POLDIP3: variants seen among roughly 807,000 people sequenced by gnomAD.
POLDIP3 encodes the protein polymerase delta-interacting protein 3.
Under a neutral mutation model 45.1 loss-of-function variants are expected in POLDIP3, and 14 were observed. That is an observed-to-expected ratio of 0.31 (90% CI 0.20 to 0.49). The LOEUF (loss-of-function observed/expected upper bound fraction) is 0.49, where lower values mean the gene tolerates loss of function less well. POLDIP3 is among the 20% of genes least tolerant of loss of function. The pLI, the probability that POLDIP3 is intolerant of heterozygous loss-of-function variation, is 0.99. For synonymous variants in POLDIP3, 223 were observed against 205.2 expected (o/e 1.09, Z -0.74); for missense variants, 511 against 538.8 (o/e 0.95, Z 0.51).
intron 1 of POLDIP3, among the ~76,000 whole-genome samples, chr22:42,612,686 C>A (rs747972043): frequency 6.6e-6 from 1 of 152,066 alleles, no homozygotes; most frequent in Non-Finnish European, 1.5e-5. Flanking sequence ...ATTAGACAGT[C>A]GTGGTGTCGG....
At chr22:42,589,144 G>A (rs546540837) in intron 7 of POLDIP3, among the ~76,000 whole-genome samples, 44 of 151,870 alleles carry the variant, frequency 2.9e-4, no homozygotes, top group African/African-American at 1.0e-3. Context: ...TCAGGAGGCT[G>A]AGGCACAAAA....
chr22:42,594,700 A>T (rs368555961), intron 6 of POLDIP3, among the ~76,000 whole-genome samples: 1 of 152,182 alleles, frequency 6.6e-6, no homozygotes, highest in African/African-American at 2.4e-5. Flanking sequence ...AATGATGTTG[A>T]AAAGAAGTCC....
At chr22:42,606,994 G>A (rs1433086318) in intron 1 of POLDIP3, among the ~76,000 whole-genome samples, 1 of 152,240 alleles carries the variant, frequency 6.6e-6, no homozygotes, top group East Asian at 1.9e-4. Context: ...ACCAGGAGCA[G>A]TAGCTCATGC....
chr22:42,589,898 C>T (rs1925562451), intron 7 of POLDIP3, among the ~76,000 whole-genome samples: 1 of 26,890 alleles, frequency 3.7e-5, no homozygotes, highest in East Asian at 1.0e-3. Context: ...TAGAACCAAG[C>T]AGATCAACAA....
intron 4 of POLDIP3, among the ~76,000 whole-genome samples, chr22:42,597,136 G>A (rs578196369): frequency 4.6e-5 from 7 of 152,178 alleles, no homozygotes; most frequent in Non-Finnish European, 8.8e-5. Context: ...ATTTGGCAGT[G>A]CAGATCACCA....
At position 42,584,784 on chromosome 22, in the gene POLDIP3, T is replaced by G. The variant is rs905904965; in HGVS notation, c.*1007A>C. The G allele has an allele frequency of 1.8e-5, 7 of 399,410 alleles. No individual in the cohort carries two copies. The highest frequency in any genetic ancestry group is 1.5e-4 in the African/African-American group (7 of 47,864). 24.7% of individuals were successfully genotyped at this position (399,410 alleles called of 1,614,324 possible). A position where few individuals can be genotyped will look rare whatever the true frequency, so the allele number is the denominator to read the frequency against. ...CATAAGTGGGAACAAACAGTGCCCCTTGGTGGCAGCTGGATATATGCCTCC... is the reference window on the plus strand; with the variant it reads ...CATAAGTGGGAACAAACAGTGCCCCGTGGTGGCAGCTGGATATATGCCTCC... On this transcript the variant is annotated 3_prime_UTR_variant, in exon 9 of 9. Transcript: ENST00000252115.
chr22:42,592,809 G>A (rs1828450100), intron 6 of POLDIP3, among the ~76,000 whole-genome samples: 4 of 152,326 alleles, frequency 2.6e-5, no homozygotes, highest in East Asian at 1.9e-4. Flanking sequence ...TTACAGACAA[G>A]ACGACTAAGG....
intron 7 of POLDIP3, among the ~76,000 whole-genome samples, chr22:42,591,422 G>A (rs1925663349): frequency 6.6e-6 from 1 of 152,012 alleles, no homozygotes; most frequent in South Asian, 2.1e-4. Context: ...TCTAGCACAG[G>A]GCCTTGGTCC....
At chr22:42,604,269 C>T (rs1291432227) in intron 1 of POLDIP3, among the ~76,000 whole-genome samples, 1 of 152,140 alleles carries the variant, frequency 6.6e-6, no homozygotes, top group Admixed American at 6.5e-5. Context: ...CCTTTTTTCT[C>T]TCCCTACCCT....
chr22:42,595,742 C>A lies in POLDIP3; in HGVS notation c.814-128G>T, dbSNP rs561087038. 7.6e-6 allele frequency: 6 copies of A among 785,322 alleles called. No individual in the cohort carries two copies. In the Admixed American group the frequency reaches 1.2e-4, roughly 16 times the overall value. The allele number at this position is 785,322 out of a possible 1,614,324, so 48.6% of individuals were successfully genotyped here. ...TCCATGGAGAGTTACCACAAATGGG[C>A]CCCCTGAACTTCAGTGTCCACTACA... On this transcript the variant is annotated intron_variant, in intron 5 of 8. Coordinates refer to ENST00000252115, the MANE Select transcript of POLDIP3 (RefSeq NM_032311.5).
At chr22:42,608,681 A>G (rs1926930804) in intron 1 of POLDIP3, among the ~76,000 whole-genome samples, 1 of 152,164 alleles carries the variant, frequency 6.6e-6, no homozygotes, top group African/African-American at 2.4e-5. Flanking sequence ...TGGTGCACGC[A>G]CTGAGAACTC....
At chr22:42,602,692 G>A (rs2146824184) in intron 2 of POLDIP3, 78 bp downstream of exon 2, 2 of 1,483,158 alleles carry the variant, frequency 1.3e-6, no homozygotes, top group Non-Finnish European at 1.8e-6. Flanking sequence ...TTTTTGCCCA[G>A]TCACTCCTGG....
At chr22:42,614,687 T>C (rs1334563925) in intron 1 of POLDIP3, 112 bp downstream of exon 1, 15 of 1,220,928 alleles carry the variant, frequency 1.2e-5, no homozygotes, top group Admixed American at 1.8e-5. Context: ...GCGGCTGTGG[T>C]CGGGGGCGGG....
intron 2 of POLDIP3, 52 bp from the exon 3 acceptor site, chr22:42,602,108 C>T: frequency 1.2e-6 from 2 of 1,612,592 alleles, no homozygotes; most frequent in Non-Finnish European, 8.5e-7. Context: ...CATGCATTCT[C>T]TAGAAGAAGG....
chr22:42,598,353 C>G (rs1926131833), intron 4 of POLDIP3, among the ~76,000 whole-genome samples: 1 of 151,150 alleles, frequency 6.6e-6, no homozygotes, highest in Non-Finnish European at 1.5e-5. Context: ...TGGGTTCGTG[C>G]CATTCTCCTG....
intron 6 of POLDIP3, 114 bp from the exon 7 acceptor site, chr22:42,592,198 C>T (rs1032468041): frequency 2.0e-6 from 3 of 1,486,950 alleles, no homozygotes; most frequent in Non-Finnish European, 1.8e-6. Flanking sequence ...GCGCCCTGCG[C>T]CTGAGACTGC....
chr22:42,600,447 A>C (rs1234811508), intron 3 of POLDIP3, among the ~76,000 whole-genome samples: 1 of 151,452 alleles, frequency 6.6e-6, no homozygotes, highest in African/African-American at 2.4e-5. Context: ...TAACATGGTG[A>C]AACCCCGTCT....
intron 1 of POLDIP3, among the ~76,000 whole-genome samples, chr22:42,604,193 TG>T (rs1462357761): frequency 6.6e-6 from 1 of 152,212 alleles, no homozygotes; most frequent in Admixed American, 6.5e-5. Context: ...GGGTGCTCTT[TG>T]GGAAACCCTC....
intron 7 of POLDIP3, among the ~76,000 whole-genome samples, chr22:42,591,038 C>T (rs971188320): frequency 1.3e-5 from 2 of 150,446 alleles, no homozygotes; most frequent in African/African-American, 2.5e-5. Context: ...CACGCCACTG[C>T]ACCCCAGCCT....
Sources: gnomAD v4.1 joint callset for allele counts (sites outside exome capture counted in the v4.1 genomes callset) on GRCh38, gnomAD v4.1.1 for gene constraint, MANE v1.5 for transcripts, NCBI Gene and HGNC (gene_info 2026-07-23, HGNC 2026-07-21) for gene names.